FRMPD1: variants seen among roughly 807,000 people sequenced by gnomAD.
FRMPD1 encodes the protein FERM and PDZ domain-containing protein 1.
In FRMPD1, 76 loss-of-function variants were observed where a neutral mutation model predicts 117.8. The observed-to-expected ratio is 0.65, with a 90% confidence interval of 0.54 to 0.78. The LOEUF is 0.78. Among genes scored for constraint, FRMPD1 ranks in the 30% least tolerant of loss-of-function variants. FRMPD1 has a pLI of 0.00. For missense variants in FRMPD1, 1,786 were observed against 1,964.5 expected (o/e 0.91, Z 1.72); for synonymous variants, 783 against 770.4 (o/e 1.02, Z -0.27).
At chr9:37,675,718 C>T (rs944583649) in intron 1 of FRMPD1, among the ~76,000 whole-genome samples, 1 of 152,130 alleles carries the variant, frequency 6.6e-6, no homozygotes, top group African/African-American at 2.4e-5. Flanking sequence ...TCTGACCTCT[C>T]CACCAGTCAG....
the FRMPD1 span, among the ~76,000 whole-genome samples, chr9:37,630,624 A>G: frequency 6.6e-6 from 1 of 152,124 alleles, no homozygotes; most frequent in Non-Finnish European, 1.5e-5. Context: ...CAAGTGATCC[A>G]CCCACCTTGG....
intron 1 of FRMPD1, among the ~76,000 whole-genome samples, chr9:37,682,553 C>G (rs530585345): frequency 4.6e-5 from 7 of 152,290 alleles, no homozygotes; most frequent in African/African-American, 1.7e-4. Flanking sequence ...AAAGGCAAAG[C>G]CAGGAAGGAA....
At chr9:37,636,677 C>T in the FRMPD1 span, 744 of 1,531,598 alleles carry the variant, frequency 4.9e-4, 4 homozygotes, top group African/African-American at 9.3e-3. Flanking sequence ...TGTCCCACTC[C>T]AGTGCCCCTC....
chr9:37,679,674 A>G (rs1821653420), intron 1 of FRMPD1, among the ~76,000 whole-genome samples: 1 of 152,160 alleles, frequency 6.6e-6, no homozygotes, highest in Non-Finnish European at 1.5e-5. Context: ...TTCAAATTTT[A>G]TCCATATGTA....
chr9:37,647,760 G>C (rs1824169004), upstream of FRMPD1, among the ~76,000 whole-genome samples: 1 of 152,140 alleles, frequency 6.6e-6, no homozygotes, highest in Admixed American at 6.5e-5. Context: ...GTACAGCAGA[G>C]GCTCAAAGCA....
upstream of FRMPD1, among the ~76,000 whole-genome samples, chr9:37,646,144 C>A (rs1824136035): frequency 6.6e-6 from 1 of 152,184 alleles, no homozygotes; most frequent in South Asian, 2.1e-4. Flanking sequence ...GTCCCTGAGT[C>A]TTGGCTCACT....
At chr9:37,721,512 G>A (rs941326958) in intron 6 of FRMPD1, among the ~76,000 whole-genome samples, 1 of 152,174 alleles carries the variant, frequency 6.6e-6, no homozygotes, top group Non-Finnish European at 1.5e-5. Context: ...GAGAAAAAAT[G>A]TAAGCCCTGA....
At position 37,740,325 on chromosome 9, in the gene FRMPD1, C is replaced by T. The variant is rs1824328330; in HGVS notation, c.1797C>T (p.Gly599=). The change falls in exon 15 of 16, where the codon GGC becomes GGT. Residue 599 remains glycine (G), a synonymous_variant. Transcript: ENST00000377765. The surrounding 1 kb of genome is among the most constrained non-coding windows in gnomAD (Gnocchi z 4.2). ...ASDSANTESR[G]YRTSGSSESM... ...ACTCAGCCAACACTGAGAGCCGCGGCTACAGGACCAGTGGCTCGAGTGAGT... is the reference window on the plus strand; with the variant it reads ...ACTCAGCCAACACTGAGAGCCGCGGTTACAGGACCAGTGGCTCGAGTGAGT... The T allele has an allele frequency of 1.9e-6, 3 of 1,613,694 alleles. No individual in the cohort carries two copies. The highest frequency in any genetic ancestry group is 1.1e-5 in the South Asian group (1 of 91,082).
intron 1 of FRMPD1, among the ~76,000 whole-genome samples, chr9:37,687,846 A>G (rs1281258929): frequency 6.6e-6 from 1 of 152,250 alleles, no homozygotes; most frequent in African/African-American, 2.4e-5. Flanking sequence ...TAGTAATCAA[A>G]TAACTTCCAA....
intron 7 of FRMPD1, among the ~76,000 whole-genome samples, chr9:37,725,839 G>A (rs985544723): frequency 5.9e-5 from 9 of 152,224 alleles, no homozygotes; most frequent in African/African-American, 1.9e-4. Flanking sequence ...TTTGAACTTG[G>A]TCTGTTTTTG....
At chr9:37,727,202 A>G (rs1823652406) in intron 7 of FRMPD1, among the ~76,000 whole-genome samples, 1 of 152,152 alleles carries the variant, frequency 6.6e-6, no homozygotes, top group African/African-American at 2.4e-5. Flanking sequence ...TGAGCCATCA[A>G]GAGCCACTGA....
At chr9:37,702,324 A>G (rs1359986092) in intron 2 of FRMPD1, among the ~76,000 whole-genome samples, 1 of 152,252 alleles carries the variant, frequency 6.6e-6, no homozygotes, top group African/African-American at 2.4e-5. Flanking sequence ...TCACTTGACA[A>G]TGTGAGAAAT....
intron 2 of FRMPD1, among the ~76,000 whole-genome samples, chr9:37,702,037 C>A (rs1822551393): frequency 2.0e-5 from 3 of 152,180 alleles, no homozygotes; most frequent in African/African-American, 7.2e-5. Context: ...ATACCATTTA[C>A]TGAGCTCTGA....
chr9:37,642,242 G>A, the FRMPD1 span, among the ~76,000 whole-genome samples: 1 of 152,172 alleles, frequency 6.6e-6, no homozygotes, highest in Non-Finnish European at 1.5e-5. Context: ...CTCTTTGTCT[G>A]CAAAAAAGAC....
chr9:37,626,799 G>A, the FRMPD1 span, among the ~76,000 whole-genome samples: 8 of 151,080 alleles, frequency 5.3e-5, no homozygotes, highest in Middle Eastern at 3.2e-3. Flanking sequence ...GAGAGAGAGA[G>A]AGAGAAAAGT....
rs146702276 is a variant in FRMPD1, at chr9:37,692,052, T to C, written c.-4-586T>C. Among the ~76,000 whole-genome samples the C allele has an allele frequency of 1.6e-3, 236 of 150,152 alleles. 1 individual carries two copies. Among genetic ancestry groups the C allele is most frequent in the African/African-American group, 5.5e-3 (222 of 40,538 alleles). On this transcript the variant is annotated intron_variant, in intron 1 of 15. Coordinates refer to ENST00000377765, the MANE Select transcript of FRMPD1 (RefSeq NM_014907.3). Reference sequence around the variant, plus strand: ...TTTTCACTGTCTACATATTTTTTATTATGATAAGAACACTTGAGATCTACC... The same window carrying C: ...TTTTCACTGTCTACATATTTTTTATCATGATAAGAACACTTGAGATCTACC...
At position 37,710,098 on chromosome 9, in the gene FRMPD1, A is replaced by G. The variant is rs1198211304; in HGVS notation, c.363-1252A>G. 2.0e-5 allele frequency among the ~76,000 whole-genome samples: 3 copies of G among 152,254 alleles called. No individual in the cohort carries two copies. The East Asian group carries it at 5.8e-4, about 29-fold the overall frequency. ...AACAAAAAGATACAACAACAATGCC[A>G]AGAAAACATCTCAAATTCCTCCAAA... On this transcript the variant is annotated intron_variant, in intron 4 of 15. Coordinates refer to ENST00000377765, the MANE Select transcript of FRMPD1 (RefSeq NM_014907.3).
chr9:37,636,610 A>G, the FRMPD1 span: 2 of 1,055,174 alleles, frequency 1.9e-6, no homozygotes, highest in East Asian at 5.1e-5. Context: ...CAGGAGAGGA[A>G]GAGGGAGGCA....
intron 1 of FRMPD1, among the ~76,000 whole-genome samples, chr9:37,667,545 GCA>G (rs1473900609): frequency 6.6e-6 from 1 of 151,552 alleles, no homozygotes; most frequent in Non-Finnish European, 1.5e-5. Flanking sequence ...AGGCATGGTG[GCA>G]CACACTTGTA....
Sources: allele counts gnomAD v4.1 joint callset (sites outside exome capture counted in the v4.1 genomes callset), GRCh38; gene constraint gnomAD v4.1.1; non-coding constraint Gnocchi (gnomAD v3.1); transcripts MANE v1.5; gene names NCBI Gene and HGNC (gene_info 2026-07-23, HGNC 2026-07-21).